FHIT: variants seen among roughly 807,000 people sequenced by gnomAD.
FHIT encodes the protein bis(5'-adenosyl)-triphosphatase.
Under a neutral mutation model 17.9 loss-of-function variants are expected in FHIT, and 19 were observed. The observed-to-expected ratio is 1.06, with a 90% CI of 0.74 to 1.56. The LOEUF (loss-of-function observed/expected upper bound fraction) is 1.56, where lower values mean the gene tolerates loss of function less well. Ranked by LOEUF, FHIT falls within the 40% of genes most tolerant of loss-of-function variation. The pLI, the probability that FHIT is intolerant of heterozygous loss-of-function variation, is 0.00. For synonymous variants in FHIT, 81 were observed against 69.7 expected (o/e 1.16, Z -0.81); for missense variants, 248 against 189.2 (o/e 1.31, Z -1.82).
chr3:59,897,835 C>T (rs372292046), intron 8 of FHIT, among the ~76,000 whole-genome samples: 11 of 150,978 alleles, frequency 7.3e-5, no homozygotes, highest in African/African-American at 1.2e-4. Flanking sequence ...GGCGCGATCT[C>T]GGCTCACTGC....
At chr3:60,961,247 G>A (rs1257887006) in intron 3 of FHIT, among the ~76,000 whole-genome samples, 15 of 152,042 alleles carry the variant, frequency 9.9e-5, no homozygotes, top group Non-Finnish European at 1.6e-4. Flanking sequence ...AGAAGTGTCT[G>A]TTCATATCCT....
intron 8 of FHIT, among the ~76,000 whole-genome samples, chr3:59,785,179 C>G (rs568282150): frequency 6.6e-6 from 1 of 152,140 alleles, no homozygotes; most frequent in Non-Finnish European, 1.5e-5. Flanking sequence ...CAGGCCCTAC[C>G]CTTCAACACT....
At chr3:60,240,331 T>A (rs73832551) in intron 5 of FHIT, among the ~76,000 whole-genome samples, 2,872 of 152,316 alleles carry the variant, frequency 0.019, 87 homozygotes, top group African/African-American at 0.062. Flanking sequence ...GAGCCAGTTA[T>A]GTAGCTATTA....
chr3:61,218,714 C>T lies in FHIT; in HGVS notation c.-212-18049G>A, dbSNP rs569228744. ...GTTTTAAACTGAGCTTTGGCCTCACCGTAATCATATAGTGTCTTATGATAG... is the reference window on the plus strand; with the variant it reads ...GTTTTAAACTGAGCTTTGGCCTCACTGTAATCATATAGTGTCTTATGATAG... On this transcript the variant is annotated intron_variant, in intron 1 of 9. Transcript: ENST00000492590. Among the ~76,000 whole-genome samples the T allele has an allele frequency of 2.6e-5, 4 of 152,164 alleles. No individual in the cohort carries two copies. In the South Asian group the frequency reaches 6.2e-4, roughly 24 times the overall value.
At chr3:60,991,369 C>T (rs931680042) in intron 3 of FHIT, among the ~76,000 whole-genome samples, 1 of 152,102 alleles carries the variant, frequency 6.6e-6, no homozygotes, top group African/African-American at 2.4e-5. Flanking sequence ...GCCTTGCAGG[C>T]CTAATGAAGA....
chr3:59,773,813 C>T (rs1702179739), intron 8 of FHIT, among the ~76,000 whole-genome samples: 2 of 152,128 alleles, frequency 1.3e-5, no homozygotes, highest in African/African-American at 4.8e-5. Flanking sequence ...CGCCCAGGAC[C>T]TTAGCCATCA....
At chr3:61,046,422 C>A (rs900094994) in intron 2 of FHIT, among the ~76,000 whole-genome samples, 12 of 152,126 alleles carry the variant, frequency 7.9e-5, no homozygotes, top group African/African-American at 2.7e-4. Flanking sequence ...CACATACACC[C>A]TCCCAAGACT....
intron 7 of FHIT, among the ~76,000 whole-genome samples, chr3:59,930,743 A>C (rs1372383666): frequency 1.3e-5 from 2 of 152,186 alleles, no homozygotes; most frequent in Non-Finnish European, 2.9e-5. Flanking sequence ...GGGTGGTAAG[A>C]GTGATTAATT....
intron 2 of FHIT, among the ~76,000 whole-genome samples, chr3:61,198,858 A>G (rs1396260590): frequency 2.6e-5 from 4 of 151,438 alleles, no homozygotes; most frequent in African/African-American, 7.3e-5. Flanking sequence ...TATAATGAAT[A>G]AATTCATAAA....
chr3:60,260,660 C>G (rs9881503), intron 5 of FHIT, among the ~76,000 whole-genome samples: 2,156 of 151,966 alleles, frequency 0.014, 48 homozygotes, highest in African/African-American at 0.049. Context: ...TCTTGAATAG[C>G]GGCTGGGTAA....
chr3:60,106,569 C>G (rs959595581), intron 5 of FHIT, among the ~76,000 whole-genome samples: 1 of 152,184 alleles, frequency 6.6e-6, no homozygotes, highest in African/African-American at 2.4e-5. Flanking sequence ...CAGGCACCCA[C>G]TGGGGGTCTT....
chr3:60,966,340 G>A (rs537882471), intron 3 of FHIT, among the ~76,000 whole-genome samples: 73 of 152,304 alleles, frequency 4.8e-4, no homozygotes, highest in African/African-American at 1.4e-3. Flanking sequence ...CGTCTCTCAC[G>A]GCTTCTCTTG....
At chr3:60,889,596 C>T (rs1049444992) in intron 3 of FHIT, among the ~76,000 whole-genome samples, 1 of 152,138 alleles carries the variant, frequency 6.6e-6, no homozygotes, top group East Asian at 1.9e-4. Context: ...CCAGTGGAGG[C>T]AATAGTGAGG....
chr3:60,339,496 C>G (rs1324352326), intron 5 of FHIT, among the ~76,000 whole-genome samples: 1 of 152,192 alleles, frequency 6.6e-6, no homozygotes, highest in Non-Finnish European at 1.5e-5. Context: ...CATAGGCGTT[C>G]TGTTGACAGT....
chr3:60,246,887 T>A (rs1705423841), intron 5 of FHIT, among the ~76,000 whole-genome samples: 1 of 152,128 alleles, frequency 6.6e-6, no homozygotes, highest in Non-Finnish European at 1.5e-5. Context: ...AACAGCTGAT[T>A]ACGTATTTTA....
At chr3:61,072,978 T>A (rs141725437) in intron 2 of FHIT, among the ~76,000 whole-genome samples, 1 of 152,100 alleles carries the variant, frequency 6.6e-6, no homozygotes, top group Non-Finnish European at 1.5e-5. Flanking sequence ...AGGACCCAAT[T>A]TCTCTAATTT....
At chr3:60,172,671 T>G (rs892179770) in intron 5 of FHIT, among the ~76,000 whole-genome samples, 8 of 152,024 alleles carry the variant, frequency 5.3e-5, no homozygotes, top group African/African-American at 1.9e-4. Flanking sequence ...ACAGAGACCC[T>G]GTAGTGGAAA....
intron 1 of FHIT, among the ~76,000 whole-genome samples, chr3:61,238,455 G>A (rs192058324): frequency 4.1e-4 from 63 of 152,248 alleles, no homozygotes; most frequent in African/African-American, 1.4e-3. Context: ...AGCCACTACC[G>A]CTGCCCTTCA....
intron 5 of FHIT, among the ~76,000 whole-genome samples, chr3:60,118,144 T>C (rs1392970587): frequency 2.6e-5 from 4 of 152,180 alleles, no homozygotes; most frequent in African/African-American, 9.6e-5. Flanking sequence ...TCTTGTTCTG[T>C]TGCCCAGGCT....
Sources: allele counts gnomAD v4.1 joint callset (sites outside exome capture counted in the v4.1 genomes callset), GRCh38; gene constraint gnomAD v4.1.1; transcripts MANE v1.5; gene names NCBI Gene and HGNC (gene_info 2026-07-23, HGNC 2026-07-21).